The following PCDH7 variants were observed in gnomAD, a reference collection of about 807,000 sequenced individuals.
PCDH7 encodes the protein protocadherin-7.
Under a neutral mutation model 58.9 loss-of-function variants are expected in PCDH7, and 17 were observed. That is an observed-to-expected ratio of 0.29 (90% confidence interval 0.20 to 0.43). PCDH7 has a LOEUF of 0.43. Ranked by LOEUF, PCDH7 falls within the 20% of genes least tolerant of loss-of-function variation. The probability of loss-of-function intolerance (pLI) is 1.00; values close to 1 mark genes in which losing one functional copy is unlikely to be tolerated. For synonymous variants in PCDH7, 664 were observed against 616.4 expected (o/e 1.08, Z -1.14); for missense variants, 1,274 against 1,441.0 (o/e 0.88, Z 1.88).
chr4:30,999,973 C>A (rs2109135947), intron 3 of PCDH7, among the ~76,000 whole-genome samples: 1 of 152,182 alleles, frequency 6.6e-6, no homozygotes, highest in Admixed American at 6.5e-5. Flanking sequence ...GTTGATGTTT[C>A]AAATAAATTA....
In PCDH7 at chr4:30,795,086, C is replaced by T. The variant is rs184096534; in HGVS notation, c.70+70490C>T. On this transcript the variant is annotated intron_variant, in intron 1 of 3. Coordinates refer to the PCDH7 transcript ENST00000509759. ...TTAAAAGGCGAATTATTTAGAGCAC[C>T]GATATGGATCAGTCTTTGAGACTTT... Among the ~76,000 whole-genome samples, 539 of 152,044 alleles carry T rather than the reference C, an allele frequency of 3.5e-3. 5 individuals carry two copies. Among genetic ancestry groups the T allele is most frequent in the African/African-American group, 0.012 (501 of 41,478 alleles).
intron 3 of PCDH7, among the ~76,000 whole-genome samples, chr4:31,120,043 A>C (rs1717474059): frequency 1.3e-5 from 2 of 150,342 alleles, no homozygotes. Context: ...CTACCTGACC[A>C]TCACCTGATG....
At chr4:30,937,315 C>T (rs961124725) in intron 2 of PCDH7, among the ~76,000 whole-genome samples, 31 of 151,860 alleles carry the variant, frequency 2.0e-4, no homozygotes, top group African/African-American at 7.5e-4. Context: ...TTTCCATATC[C>T]ATATCACTGC....
At chr4:30,920,326 C>T (rs1284636460) in exon 2 of PCDH7, 1 of 1,367,440 alleles carries the variant, frequency 7.3e-7, no homozygotes, top group Non-Finnish European at 9.8e-7. Context: ...ATGAAAGGAC[C>T]ACGCCGGATG....
chr4:30,900,154 A>T (rs1740028078), intron 1 of PCDH7, among the ~76,000 whole-genome samples: 1 of 152,146 alleles, frequency 6.6e-6, no homozygotes, highest in Non-Finnish European at 1.5e-5. Flanking sequence ...CTATACTGTG[A>T]TGTAAGTATT....
intron 2 of PCDH7, among the ~76,000 whole-genome samples, chr4:30,923,058 T>C (rs1743392307): frequency 6.6e-6 from 1 of 152,140 alleles, no homozygotes; most frequent in Admixed American, 6.6e-5. Flanking sequence ...GTTTTTTGCT[T>C]GGCTAGGTTT....
intron 1 of PCDH7, among the ~76,000 whole-genome samples, chr4:30,769,514 G>GT (rs1369879993): frequency 6.6e-6 from 1 of 152,126 alleles, no homozygotes. Flanking sequence ...CTCCATGCAT[G>GT]TATCTTCCTT....
intron 3 of PCDH7, among the ~76,000 whole-genome samples, chr4:31,120,073 G>A (rs1717477942): frequency 6.6e-6 from 1 of 152,008 alleles, no homozygotes; most frequent in Admixed American, 6.6e-5. Flanking sequence ...CTTTCCTGGT[G>A]GGGTGTGAGG....
At chr4:30,931,704 C>T (rs1262966196) in intron 2 of PCDH7, among the ~76,000 whole-genome samples, 1 of 151,826 alleles carries the variant, frequency 6.6e-6, no homozygotes, top group East Asian at 1.9e-4. Flanking sequence ...CACTTGAGAA[C>T]TTCTTTCTCA....
chr4:30,904,095 C>A lies in PCDH7; in HGVS notation c.71-16058C>A, dbSNP rs188864988. On this transcript the variant is annotated intron_variant, in intron 1 of 3. Transcript: ENST00000509759. ...TATAGCCTCTTTCATAAGTATGAAA[C>A]CCAAGCCCAACTCTGTCACTTCCAT... Among the ~76,000 whole-genome samples the A allele has an allele frequency of 1.8e-3, 280 of 152,212 alleles. 2 individuals carry two copies. Among genetic ancestry groups the A allele is most frequent in the South Asian group, 6.0e-3 (29 of 4,820 alleles).
At chr4:30,855,826 A>G (rs1733377640) in intron 1 of PCDH7, among the ~76,000 whole-genome samples, 1 of 152,104 alleles carries the variant, frequency 6.6e-6, no homozygotes, top group Non-Finnish European at 1.5e-5. Flanking sequence ...AAATTTAAGA[A>G]TCCTTCATTG....
intron 1 of PCDH7, among the ~76,000 whole-genome samples, chr4:30,842,584 A>G (rs192826790): frequency 3.9e-5 from 6 of 152,218 alleles, no homozygotes; most frequent in Admixed American, 3.9e-4. Context: ...GATTGGATGG[A>G]TGTGTGAATT....
At position 31,029,221 on chromosome 4, in the gene PCDH7, A is replaced by G. The variant is rs1024119496; in HGVS notation, c.*7+79006A>G. 6.6e-5 allele frequency among the ~76,000 whole-genome samples: 10 copies of G among 152,298 alleles called. No homozygotes were observed. In the East Asian group the frequency reaches 1.5e-3, roughly 23 times the overall value. On this transcript the variant is annotated intron_variant, in intron 3 of 3. Coordinates refer to the PCDH7 transcript ENST00000509759. ...CATTAATGCATCACAAGCAACTGTA[A>G]CCAAATTAAAGGCCTATAAGTCCAT...
At chr4:31,110,841 G>A (rs1019342240) in intron 3 of PCDH7, among the ~76,000 whole-genome samples, 7 of 151,908 alleles carry the variant, frequency 4.6e-5, no homozygotes, top group Non-Finnish European at 7.4e-5. Context: ...TGTGAACCTG[G>A]GAGGCGGAGC....
intron 1 of PCDH7, among the ~76,000 whole-genome samples, chr4:30,908,149 C>T (rs567076303): frequency 1.3e-5 from 2 of 150,610 alleles, no homozygotes; most frequent in Admixed American, 6.7e-5. Flanking sequence ...ACCTAAATTA[C>T]GAGTTGATGG....
intron 3 of PCDH7, among the ~76,000 whole-genome samples, chr4:31,022,211 A>C (rs1703533183): frequency 6.6e-6 from 1 of 152,164 alleles, no homozygotes; most frequent in Non-Finnish European, 1.5e-5. Flanking sequence ...ATTAATAATA[A>C]TTTTTAAAAA....
intron 3 of PCDH7, among the ~76,000 whole-genome samples, chr4:31,091,735 T>A (rs1197518076): frequency 6.6e-6 from 1 of 152,032 alleles, no homozygotes; most frequent in Non-Finnish European, 1.5e-5. Context: ...GCATAATATG[T>A]AATTATACAT....
intron 1 of PCDH7, among the ~76,000 whole-genome samples, chr4:30,801,509 CTAA>C (rs1409193735): frequency 2.0e-5 from 3 of 152,156 alleles, no homozygotes; most frequent in Middle Eastern, 3.4e-3. Flanking sequence ...AGTCAACATA[CTAA>C]TAATAATATC....
At chr4:30,967,741 C>T (rs1578440162) in intron 3 of PCDH7, among the ~76,000 whole-genome samples, 1 of 152,058 alleles carries the variant, frequency 6.6e-6, no homozygotes, top group Non-Finnish European at 1.5e-5. Flanking sequence ...AAACCTCATA[C>T]AGGAATCAAA....
Sources: gnomAD v4.1 joint callset for allele counts (sites outside exome capture counted in the v4.1 genomes callset) on GRCh38, gnomAD v4.1.1 for gene constraint, MANE v1.5 for transcripts, NCBI Gene and HGNC (gene_info 2026-07-23, HGNC 2026-07-21) for gene names.